The following ALCAM variants were observed in gnomAD, a reference collection of about 807,000 sequenced individuals.
ALCAM encodes activated leukocyte cell adhesion molecule, also known as CD166 antigen.
ALCAM carries 30 observed loss-of-function variants against 70.9 expected under a neutral mutation model. That is an observed-to-expected ratio of 0.42 (90% confidence interval 0.32 to 0.57). The LOEUF is 0.57. Ranked by LOEUF, ALCAM falls within the 20% of genes least tolerant of loss-of-function variation. The pLI is 0.11. For synonymous variants in ALCAM, 249 were observed against 242.5 expected (o/e 1.03, Z -0.25); for missense variants, 591 against 695.1 (o/e 0.85, Z 1.68).
intron 12 of ALCAM, among the ~76,000 whole-genome samples, chr3:105,551,070 C>T (rs952789633): frequency 6.6e-6 from 1 of 151,486 alleles, no homozygotes; most frequent in Non-Finnish European, 1.5e-5. Flanking sequence ...CAGTTGGAAA[C>T]CTGTATATGA....
chr3:105,431,165 A>G (rs1006922165), intron 1 of ALCAM, among the ~76,000 whole-genome samples: 1 of 151,816 alleles, frequency 6.6e-6, no homozygotes, highest in African/African-American at 2.4e-5. Context: ...AAGAGGAGAC[A>G]TGGTATATAA....
chr3:105,462,272 T>C (rs565876203), intron 1 of ALCAM, among the ~76,000 whole-genome samples: 1 of 151,714 alleles, frequency 6.6e-6, no homozygotes, highest in Admixed American at 6.6e-5. Flanking sequence ...TATACTTTGT[T>C]CCTTGGCTCT....
At chr3:105,455,452 A>G (rs1254084212) in intron 1 of ALCAM, among the ~76,000 whole-genome samples, 1 of 151,964 alleles carries the variant, frequency 6.6e-6, no homozygotes, top group Non-Finnish European at 1.5e-5. Flanking sequence ...AAAAAAAAAA[A>G]AAAAAAGAGA....
chr3:105,552,208 T>C lies in ALCAM; in HGVS notation c.1546+26T>C, dbSNP rs780567861. 11 of 1,585,098 alleles carry C rather than the reference T, an allele frequency of 6.9e-6. No homozygotes were observed. In the Admixed American group the frequency reaches 1.4e-4, roughly 21 times the overall value. On this transcript the variant is annotated intron_variant, in intron 13 of 15. Transcript: ENST00000306107. ...GTAGGTACTATGCTGCCGACTCTTC[T>C]TCCTTGACTATCAGCTCAAGATTTA...
intron 1 of ALCAM, among the ~76,000 whole-genome samples, chr3:105,513,544 G>A (rs1029690210): frequency 3.3e-5 from 5 of 151,868 alleles, no homozygotes; most frequent in African/African-American, 1.2e-4. Context: ...AAATTTCAAA[G>A]AATAGTATAG....
chr3:105,421,279 A>G (rs765681528), intron 1 of ALCAM, among the ~76,000 whole-genome samples: 15 of 151,464 alleles, frequency 9.9e-5, no homozygotes, highest in African/African-American at 1.5e-4. Flanking sequence ...AGGGAAACAT[A>G]TAGAAATGAG....
chr3:105,471,134 T>C (rs2399046), intron 1 of ALCAM, among the ~76,000 whole-genome samples: 40,893 of 151,188 alleles, frequency 0.27, 5,983 homozygotes, highest in Admixed American at 0.46. Flanking sequence ...GGTCAACTTA[T>C]TGGTTTATCG....
chr3:105,541,914 C>A, intron 8 of ALCAM, 149 bp downstream of exon 8: 2 of 1,072,250 alleles, frequency 1.9e-6, no homozygotes, highest in Non-Finnish European at 2.7e-6. Flanking sequence ...TCGGGATAAG[C>A]TCAACTTTGT....
intron 1 of ALCAM, among the ~76,000 whole-genome samples, chr3:105,505,444 A>G (rs1939045929): frequency 6.6e-6 from 1 of 152,140 alleles, no homozygotes; most frequent in Non-Finnish European, 1.5e-5. Flanking sequence ...GGGGAAATCC[A>G]CGCCCATAAT....
At chr3:105,535,345 T>C (rs1939944262) in intron 6 of ALCAM, among the ~76,000 whole-genome samples, 1 of 152,196 alleles carries the variant, frequency 6.6e-6, no homozygotes, top group South Asian at 2.1e-4. Flanking sequence ...TTCATTATTT[T>C]AGTTAGTAAA....
chr3:105,402,086 A>G (rs995746595), intron 1 of ALCAM, among the ~76,000 whole-genome samples: 4 of 152,208 alleles, frequency 2.6e-5, no homozygotes, highest in African/African-American at 7.2e-5. Flanking sequence ...TTTACCAAAC[A>G]TCCCCATCAT....
At chr3:105,460,697 C>T (rs1438543) in intron 1 of ALCAM, among the ~76,000 whole-genome samples, 3,609 of 151,992 alleles carry the variant, frequency 0.024, 169 homozygotes, top group Admixed American at 0.12. Context: ...CATAACTCTT[C>T]TCTCTGCCAG....
chr3:105,532,138 A>G, intron 4 of ALCAM, 72 bp downstream of exon 4: 1 of 1,256,534 alleles, frequency 8.0e-7, no homozygotes, highest in Non-Finnish European at 1.2e-6. Context: ...CTTACATTCC[A>G]AGACAAGTAA....
intron 1 of ALCAM, among the ~76,000 whole-genome samples, chr3:105,512,234 A>G (rs1057184708): frequency 2.0e-5 from 3 of 152,020 alleles, no homozygotes; most frequent in Non-Finnish European, 4.4e-5. Flanking sequence ...AACAAATTTA[A>G]TAATGTCACA....
chr3:105,470,283 A>C (rs1167888948), intron 1 of ALCAM, among the ~76,000 whole-genome samples: 2 of 150,926 alleles, frequency 1.3e-5, no homozygotes, highest in African/African-American at 4.8e-5. Flanking sequence ...TGCTACCTAA[A>C]GTCTCAGAAG....
chr3:105,552,627 A>G (rs1307528339), intron 14 of ALCAM, 42 bp downstream of exon 14: 1 of 1,609,634 alleles, frequency 6.2e-7, no homozygotes. Flanking sequence ...ATTGACTTTC[A>G]CTGGGAGAAA....
chr3:105,536,480 A>T (rs1049404758), intron 6 of ALCAM, among the ~76,000 whole-genome samples: 5 of 152,176 alleles, frequency 3.3e-5, no homozygotes, highest in Non-Finnish European at 7.4e-5. Context: ...GAACATCAAG[A>T]TAAGTAATAA....
intron 1 of ALCAM, among the ~76,000 whole-genome samples, chr3:105,449,744 T>C (rs897932114): frequency 6.6e-6 from 1 of 152,178 alleles, no homozygotes; most frequent in African/African-American, 2.4e-5. Flanking sequence ...TTTTCTTTAT[T>C]AGGTTAATCA....
intron 1 of ALCAM, among the ~76,000 whole-genome samples, chr3:105,485,681 C>T (rs553210095): frequency 9.9e-5 from 15 of 151,852 alleles, no homozygotes; most frequent in African/African-American, 1.4e-4. Context: ...TTACATACTT[C>T]GGTTTTAGAT....
Sources: gnomAD v4.1 joint callset for allele counts (sites outside exome capture counted in the v4.1 genomes callset) on GRCh38, gnomAD v4.1.1 for gene constraint, MANE v1.5 for transcripts, NCBI Gene and HGNC (gene_info 2026-07-23, HGNC 2026-07-21) for gene names.